The following CPVL variants were observed in gnomAD, a reference collection of about 807,000 sequenced individuals.
CPVL encodes the protein probable serine carboxypeptidase CPVL.
CPVL carries 51 observed loss-of-function variants against 63.7 expected under a neutral mutation model. That is an observed-to-expected ratio of 0.80 (90% CI 0.64 to 1.01). The LOEUF (loss-of-function observed/expected upper bound fraction) is 1.01. CPVL is among the 50% of genes least tolerant of loss of function. The pLI, the probability that CPVL is intolerant of heterozygous loss-of-function variation, is 0.00. For synonymous variants in CPVL, 195 were observed against 206.0 expected, an observed-to-expected ratio of 0.95 and a Z score of 0.46; for missense variants, 530 against 573.1, an observed-to-expected ratio of 0.92 and a Z score of 0.77.
At chr7:29,155,051 C>T (rs1399881046) in intron 5 of CPVL, among the ~76,000 whole-genome samples, 1 of 152,068 alleles carries the variant, frequency 6.6e-6, no homozygotes, top group African/African-American at 2.4e-5. Flanking sequence ...CATCAGATCT[C>T]GTGAGACTTA....
At chr7:29,044,079 C>T (rs528865876) in intron 11 of CPVL, among the ~76,000 whole-genome samples, 9 of 152,126 alleles carry the variant, frequency 5.9e-5, no homozygotes, top group South Asian at 4.1e-4. Flanking sequence ...GATGTGTGAC[C>T]GTGACATACA....
chr7:29,145,744 G>A (rs1303998550), intron 1 of CPVL: 1 of 152,110 alleles, frequency 6.6e-6, no homozygotes, highest in East Asian at 1.9e-4. Context: ...AAAGACTGAG[G>A]TTTAGTAGGC....
intron 7 of CPVL, among the ~76,000 whole-genome samples, chr7:29,083,776 A>G (rs1381874401): frequency 6.6e-6 from 1 of 152,144 alleles, no homozygotes; most frequent in African/African-American, 2.4e-5. Context: ...ACTTGCAACC[A>G]AGAGCCTTAA....
At chr7:29,093,234 G>A (rs925696136) in intron 5 of CPVL, among the ~76,000 whole-genome samples, 2 of 151,764 alleles carry the variant, frequency 1.3e-5, no homozygotes, top group African/African-American at 4.8e-5. Flanking sequence ...AAAATTAGCC[G>A]GGCATGATGG....
In CPVL at chr7:29,112,695, G is replaced by A; in HGVS notation, c.288+9C>T. The A allele has an allele frequency of 2.5e-6, 4 of 1,586,460 alleles. No homozygotes were observed. The highest frequency in any genetic ancestry group is 3.5e-6 in the Non-Finnish European group (4 of 1,155,750). On this transcript the variant is annotated intron_variant, in intron 3 of 12. Transcript: ENST00000265394. ...TTGAACACTGGTGTTCTTTCTGTTG[G>A]GCACCTACCTGAGCTGGGAAGAACC... is the stretch of plus-strand genomic sequence containing the variant.
chr7:29,091,780 C>T (rs552000200), intron 6 of CPVL, among the ~76,000 whole-genome samples: 1 of 152,140 alleles, frequency 6.6e-6, no homozygotes, highest in Non-Finnish European at 1.5e-5. Context: ...TCTCTCCCCC[C>T]GGCCACCTAT....
intron 11 of CPVL, among the ~76,000 whole-genome samples, chr7:29,059,579 G>A (rs1791070743): frequency 1.3e-5 from 2 of 152,154 alleles, no homozygotes; most frequent in African/African-American, 4.8e-5. Context: ...ATCACAGACT[G>A]AAAGACAAAA....
At chr7:29,130,641 C>T (rs1198243726) in intron 1 of CPVL, among the ~76,000 whole-genome samples, 1 of 152,096 alleles carries the variant, frequency 6.6e-6, no homozygotes, top group Non-Finnish European at 1.5e-5. Flanking sequence ...TTTTCTCATG[C>T]CCCCTCAGCT....
chr7:29,190,550 A>C (rs1000068472), intron 1 of CPVL, among the ~76,000 whole-genome samples: 9 of 152,182 alleles, frequency 5.9e-5, no homozygotes, highest in African/African-American at 1.4e-4. Context: ...CATAAGAGCT[A>C]CCCTGCAAAC....
chr7:29,192,118 T>C (rs1782962431), intron 1 of CPVL: 1 of 152,222 alleles, frequency 6.6e-6, no homozygotes, highest in African/African-American at 2.4e-5. Context: ...TTATAGCTCA[T>C]ATCACACCGA....
At chr7:29,194,899 C>T in intron 1 of CPVL, 1 of 1,451,410 alleles carries the variant, frequency 6.9e-7, no homozygotes, top group African/African-American at 1.5e-5. Flanking sequence ...CGGCGGCGTC[C>T]GCACCGGGGC....
At chr7:29,176,376 C>T (rs1012445427) in intron 5 of CPVL, among the ~76,000 whole-genome samples, 5 of 151,886 alleles carry the variant, frequency 3.3e-5, no homozygotes, top group East Asian at 1.9e-4. Flanking sequence ...AAAAAAAATG[C>T]CAAAAAGAAA....
chr7:29,189,054 A>C (rs1033576564), intron 1 of CPVL, among the ~76,000 whole-genome samples: 7 of 150,698 alleles, frequency 4.6e-5, no homozygotes, highest in Non-Finnish European at 7.4e-5. Context: ...GGGTTCAAGC[A>C]ATTCTCCTGT....
chr7:29,099,806 G>T (rs1786896038), intron 3 of CPVL, among the ~76,000 whole-genome samples: 1 of 152,186 alleles, frequency 6.6e-6, no homozygotes, highest in South Asian at 2.1e-4. Context: ...CGTGGAATTG[G>T]GAGCCAGACA....
At chr7:29,117,251 G>T (rs1020542675) in intron 2 of CPVL, among the ~76,000 whole-genome samples, 1 of 152,140 alleles carries the variant, frequency 6.6e-6, no homozygotes, top group Non-Finnish European at 1.5e-5. Flanking sequence ...ACCTCCCTTG[G>T]AATCTTTCTT....
intron 8 of CPVL, 30 bp from the exon 9 acceptor site, chr7:29,071,934 G>A: frequency 6.2e-7 from 1 of 1,612,542 alleles, no homozygotes; most frequent in Non-Finnish European, 8.5e-7. Flanking sequence ...ACATCAATGT[G>A]ACAAAGGGAG....
At chr7:29,099,460 C>T (rs1786840265) in intron 3 of CPVL, among the ~76,000 whole-genome samples, 1 of 152,150 alleles carries the variant, frequency 6.6e-6, no homozygotes, top group South Asian at 2.1e-4. Flanking sequence ...GCCTATGATC[C>T]CAGCACTTTG....
chr7:29,042,205 A>G (rs1200741654), intron 11 of CPVL, among the ~76,000 whole-genome samples: 4 of 152,186 alleles, frequency 2.6e-5, no homozygotes, highest in Non-Finnish European at 5.9e-5. Context: ...AATAGCTATC[A>G]TTACAGGGGA....
chr7:29,187,601 A>C (rs1240766438), intron 1 of CPVL, among the ~76,000 whole-genome samples: 1 of 151,856 alleles, frequency 6.6e-6, no homozygotes, highest in East Asian at 1.9e-4. Context: ...GTGTAATCCC[A>C]CCTGTAATCC....
Sources: allele counts gnomAD v4.1 joint callset (sites outside exome capture counted in the v4.1 genomes callset), GRCh38; gene constraint gnomAD v4.1.1; transcripts MANE v1.5; gene names NCBI Gene and HGNC (gene_info 2026-07-23, HGNC 2026-07-21).